Variants in PCCB observed in about 807,000 individuals in gnomAD.
PCCB encodes the protein propionyl-CoA carboxylase subunit beta, also known as propionyl-CoA carboxylase beta chain, mitochondrial.
In PCCB, 43 loss-of-function variants were observed where a neutral mutation model predicts 60.7. The ratio of observed to expected loss-of-function variants is 0.71; its 90% confidence interval spans 0.55 to 0.91. The LOEUF is 0.91. PCCB is among the 40% of genes least tolerant of loss of function. The probability of loss-of-function intolerance (pLI) is 0.00; values close to 1 mark genes in which losing one functional copy is unlikely to be tolerated. For missense variants in PCCB, 766 were observed against 702.8 expected (o/e 1.09, Z -1.02); for synonymous variants, 276 against 255.9 (o/e 1.08, Z -0.75).
At chr3:136,300,362 A>C (rs55797013) in intron 8 of PCCB, among the ~76,000 whole-genome samples, 56,572 of 151,972 alleles carry the variant, frequency 0.37, 11,618 homozygotes, top group African/African-American at 0.55. Context: ...CCACACTGGG[A>C]AGGAGGGAAT....
chr3:136,293,511 A>C (rs1420444929), intron 6 of PCCB, among the ~76,000 whole-genome samples: 2 of 152,184 alleles, frequency 1.3e-5, no homozygotes, highest in African/African-American at 4.8e-5. Flanking sequence ...AATGACCTTG[A>C]GATGTTAGCC....
At chr3:136,309,301 A>G (rs1934569847) in intron 9 of PCCB, among the ~76,000 whole-genome samples, 3 of 151,740 alleles carry the variant, frequency 2.0e-5, no homozygotes, top group Admixed American at 2.0e-4. Context: ...ACAGATTCCC[A>G]ACTGGAAAAG....
intron 5 of PCCB, among the ~76,000 whole-genome samples, chr3:136,263,017 C>T (rs1378631844): frequency 1.3e-5 from 2 of 149,312 alleles, no homozygotes; most frequent in East Asian, 2.0e-4. Context: ...TGCAGTGGCC[C>T]GATCTCGGCT....
At chr3:136,285,437 A>G (rs2108184804) in intron 6 of PCCB, among the ~76,000 whole-genome samples, 1 of 152,202 alleles carries the variant, frequency 6.6e-6, no homozygotes, top group East Asian at 1.9e-4. Context: ...TCCTATCATC[A>G]AAACAAAAAC....
rs1933650957 is a variant in PCCB at position 136,290,770 on chromosome 3, T to A, written c.655-2986T>A. ...ACAATTTGGGGAACTTTTCTGTCAT[T>A]ATTGCTTCCTATATTCTGTTCTTTT... On this transcript the variant is annotated intron_variant, in intron 6 of 14. Transcript: ENST00000251654. Among the ~76,000 whole-genome samples the A allele has an allele frequency of 2.0e-5, 3 of 149,156 alleles. No homozygotes were observed. The Admixed American group carries it at 2.0e-4, about 10-fold the overall frequency.
intron 5 of PCCB, among the ~76,000 whole-genome samples, chr3:136,279,286 G>T (rs1004213772): frequency 1.3e-5 from 2 of 152,042 alleles, no homozygotes; most frequent in Non-Finnish European, 1.5e-5. Context: ...TTTATACTTA[G>T]CATGATTGCT....
intron 5 of PCCB, among the ~76,000 whole-genome samples, chr3:136,262,840 T>A (rs1405203076): frequency 6.6e-6 from 1 of 152,194 alleles, no homozygotes; most frequent in Non-Finnish European, 1.5e-5. Flanking sequence ...GTCATTCCTG[T>A]TTAGAAACAA....
rs1262326309 is a variant in PCCB at position 136,304,801 on chromosome 3, C to G, written c.966+3690C>G. On this transcript the variant is annotated intron_variant, in intron 9 of 14. Transcript: ENST00000251654. ...CTGCCTCCCGGGTTCAAGTGATTCT[C>G]CTGCCTCAACCTCCTGAATAGCTGT... Among the ~76,000 whole-genome samples the G allele has an allele frequency of 1.7e-5, 2 of 120,268 alleles. 1 individual carries two copies. The highest frequency in any genetic ancestry group is 5.0e-5 in the African/African-American group (2 of 39,628). 78.9% of individuals were successfully genotyped at this position (120,268 alleles called of 152,430 possible).
In PCCB at chr3:136,316,991, C is replaced by T. The variant is rs764080368; in HGVS notation, c.1017C>T (p.Asn339=). 1 of 1,613,956 alleles carries T rather than the reference C, an allele frequency of 6.2e-7. No homozygotes were observed. The highest frequency in any genetic ancestry group is 8.5e-7 in the Non-Finnish European group (1 of 1,179,864). Residue 339 remains asparagine (N), a synonymous_variant, in exon 10 of 15, where the codon AAC becomes AAT. Transcript: ENST00000251654. ...AGATCATGCCCAATTATGCCAAGAA[C>T]ATCATTGTTGGTTTTGCAAGAATGA... ...FFEIMPNYAK[N]IIVGFARMNG... is the part of the protein sequence containing the mutation.
Position 136,256,624 on chromosome 3 carries a change from G to C in PCCB, c.372+1G>C. On this transcript the variant is annotated splice_donor_variant, in intron 3 of 14. Coordinates refer to ENST00000251654, the MANE Select transcript of PCCB (RefSeq NM_000532.5). LOFTEE classifies it high-confidence loss of function. ...AAGATTGGTTTATGTCTTCAGTCAG[G>C]TATTTCATAACTCCAATAGTCTGAA... The C allele has an allele frequency of 1.2e-6, 2 of 1,602,708 alleles. No individual in the cohort carries two copies. The highest frequency in any genetic ancestry group is 1.7e-6 in the Non-Finnish European group (2 of 1,169,634).
chr3:136,265,259 T>C (rs769552845), intron 5 of PCCB, among the ~76,000 whole-genome samples: 9 of 152,232 alleles, frequency 5.9e-5, no homozygotes, highest in Non-Finnish European at 1.3e-4. Flanking sequence ...TGTGAAAATA[T>C]AATTCAGTAA....
At chr3:136,286,509 G>A (rs755642115) in intron 6 of PCCB, among the ~76,000 whole-genome samples, 1 of 152,194 alleles carries the variant, frequency 6.6e-6, no homozygotes, top group Non-Finnish European at 1.5e-5. Flanking sequence ...TTAAATGGCA[G>A]GTCTAGTCTT....
intron 1 of PCCB, among the ~76,000 whole-genome samples, chr3:136,253,124 C>T (rs1262564969): frequency 4.1e-5 from 5 of 122,484 alleles, no homozygotes; most frequent in Non-Finnish European, 8.0e-5. Flanking sequence ...GAGTCTTGCT[C>T]TGTCACCCAG....
intron 9 of PCCB, among the ~76,000 whole-genome samples, chr3:136,311,622 G>C (rs546741556): frequency 6.6e-6 from 1 of 152,000 alleles, no homozygotes; most frequent in Non-Finnish European, 1.5e-5. Flanking sequence ...TTTTAGGTGT[G>C]AGCCCCCAAG....
chr3:136,273,419 A>G (rs1047829884), intron 5 of PCCB, among the ~76,000 whole-genome samples: 1 of 152,048 alleles, frequency 6.6e-6, no homozygotes, highest in Non-Finnish European at 1.5e-5. Context: ...TGGAGTATCG[A>G]GGTCCCCCAT....
intron 2 of PCCB, 186 bp downstream of exon 2, chr3:136,256,161 T>A: frequency 1.2e-6 from 1 of 825,256 alleles, no homozygotes; most frequent in Non-Finnish European, 1.9e-6. Flanking sequence ...CAGGCTGGCC[T>A]TGAACTCCTG....
At chr3:136,264,874 CAAAAAAAA>C (rs1167305370) in intron 5 of PCCB, among the ~76,000 whole-genome samples, 1 of 76,634 alleles carries the variant, frequency 1.3e-5, no homozygotes, top group Admixed American at 1.6e-4. Context: ...GACTCCGTCT[CAAAAAAAA>C]AAAAAAAAAA....
At chr3:136,322,871 T>C (rs964995203) in intron 10 of PCCB, among the ~76,000 whole-genome samples, 9 of 152,198 alleles carry the variant, frequency 5.9e-5, no homozygotes, top group African/African-American at 1.7e-4. Context: ...TTGCCAGATA[T>C]AGAATTCTTG....
chr3:136,295,448 C>A (rs961915309), intron 7 of PCCB, among the ~76,000 whole-genome samples: 2 of 152,204 alleles, frequency 1.3e-5, no homozygotes, highest in African/African-American at 4.8e-5. Flanking sequence ...CTATCAGCAT[C>A]ATTTAGCCCC....
Sources: allele counts gnomAD v4.1 joint callset (sites outside exome capture counted in the v4.1 genomes callset), GRCh38; gene constraint gnomAD v4.1.1; transcripts MANE v1.5; gene names NCBI Gene and HGNC (gene_info 2026-07-23, HGNC 2026-07-21).